Variants in CA13 observed in about 807,000 individuals in gnomAD.
CA13 encodes the protein CA-XIII.
CA13 carries 21 observed loss-of-function variants against 31.5 expected under a neutral mutation model. The ratio of observed to expected loss-of-function variants is 0.67; its 90% CI spans 0.47 to 0.96. The LOEUF (loss-of-function observed/expected upper bound fraction) is 0.96. Ranked by LOEUF, CA13 falls within the 40% of genes least tolerant of loss-of-function variation. The probability of loss-of-function intolerance (pLI) is 0.00; values close to 1 mark genes in which losing one functional copy is unlikely to be tolerated. For missense variants in CA13, 315 were observed against 318.9 expected, an observed-to-expected ratio of 0.99 and a Z score of 0.09; for synonymous variants, 117 against 111.4, an observed-to-expected ratio of 1.05 and a Z score of -0.32.
intron 5 of CA13, 125 bp downstream of exon 5, chr8:85,268,089 G>T: frequency 1.6e-6 from 1 of 608,106 alleles, no homozygotes; most frequent in Non-Finnish European, 2.8e-6. Context: ...ATGAAAAAAA[G>T]CAGAAGTAAC....
At chr8:85,265,045 A>G (rs1377371788) in intron 3 of CA13, among the ~76,000 whole-genome samples, 1 of 152,246 alleles carries the variant, frequency 6.6e-6, no homozygotes, top group Non-Finnish European at 1.5e-5. Context: ...TTCCTGTAAG[A>G]CATATTTATC....
chr8:85,273,059 T>A (rs1404268342), intron 6 of CA13, among the ~76,000 whole-genome samples: 1 of 152,168 alleles, frequency 6.6e-6, no homozygotes, highest in Non-Finnish European at 1.5e-5. Context: ...TTCAAGTGAT[T>A]TGCCCGCCTT....
In CA13 at chr8:85,281,210, A is replaced by T; in HGVS notation, c.670-20A>T. 6.2e-7 allele frequency: 1 copy of T among 1,607,832 alleles called. No homozygotes were observed. The highest frequency in any genetic ancestry group is 8.5e-7 in the Non-Finnish European group (1 of 1,175,086). On this transcript the variant is annotated intron_variant, in intron 6 of 6. Transcript: ENST00000321764. ...GGTGGGAATTTCTATGCTGAAGCTA[A>T]CTCTTTTCTTCTTCTACAGCTGGCC...
At position 85,250,848 on chromosome 8, in the gene CA13, G is replaced by A. The variant is rs753481885; in HGVS notation, c.146G>A (p.Ser49Asn). The change falls in exon 2 of 7, where the codon AGT becomes AAT. Residue 49 changes from serine to asparagine, a missense_variant. By Grantham distance (46) the Ser-to-Asn change is conservative. Transcript: ENST00000321764. ...VKYDSSLRPL[S>N]IKYDPSSAKI... ...TATGACTCTTCCCTCCGACCACTTAGTATCAAGTATGACCCAAGCTCAGCT... is the reference window on the plus strand; with the variant it reads ...TATGACTCTTCCCTCCGACCACTTAATATCAAGTATGACCCAAGCTCAGCT... 3 of 1,614,012 alleles carry A rather than the reference G, an allele frequency of 1.9e-6. No homozygotes were observed. The highest frequency in any genetic ancestry group is 1.7e-5 in the Admixed American group (1 of 60,008).
At position 85,245,713 on chromosome 8, in the gene CA13, C is replaced by G; in HGVS notation, c.-116C>G. On this transcript the variant is annotated 5_prime_UTR_variant, in exon 1 of 7. Transcript: ENST00000321764. Reference sequence around the variant, plus strand: ...GGACCGGGTTCACGGTCTCGCACTCCTGCCGCCGGCGCCCCGCGGTCCCGC... The same window carrying G: ...GGACCGGGTTCACGGTCTCGCACTCGTGCCGCCGGCGCCCCGCGGTCCCGC... 1 of 1,235,186 alleles carries G rather than the reference C, an allele frequency of 8.1e-7. No individual in the cohort carries two copies. Among genetic ancestry groups the G allele is most frequent in the East Asian group, 2.3e-5 (1 of 42,958 alleles). 76.5% of individuals were successfully genotyped at this position (1,235,186 alleles called of 1,614,324 possible).
In CA13 at chr8:85,245,813, T is replaced by G; in HGVS notation, c.-16T>G. The G allele has an allele frequency of 1.2e-6, 2 of 1,613,894 alleles. No individual in the cohort carries two copies. The highest frequency in any genetic ancestry group is 1.7e-6 in the Non-Finnish European group (2 of 1,179,888). ...TGCTCAGTCACATCTTTCTCTTCCT[T>G]CCACCCCGAGGGACCATGTCGAGGC... On this transcript the variant is annotated 5_prime_UTR_variant, in exon 1 of 7. Coordinates refer to ENST00000321764, the MANE Select transcript of CA13 (RefSeq NM_198584.3).
intron 1 of CA13, chr8:85,249,767 A>G: frequency 2.4e-6 from 1 of 410,456 alleles, no homozygotes; most frequent in South Asian, 1.8e-5. Flanking sequence ...TAGTAGAGAG[A>G]ATAAGAACCT....
chr8:85,281,364 G>T lies in CA13; in HGVS notation c.*15G>T, dbSNP rs1201838847. On this transcript the variant is annotated 3_prime_UTR_variant, in exon 7 of 7. Transcript: ENST00000321764. ...CTTTCCATTAAAAATTGTCACCAAT[G>T]AACTCCCCCAAACATGGCTGTGGAG... 6.2e-7 allele frequency: 1 copy of T among 1,613,192 alleles called. No homozygotes were observed. Among genetic ancestry groups the T allele is most frequent in the South Asian group, 1.1e-5 (1 of 90,992 alleles).
At chr8:85,257,697 C>T (rs971594635) in intron 2 of CA13, among the ~76,000 whole-genome samples, 1 of 123,914 alleles carries the variant, frequency 8.1e-6, no homozygotes, top group African/African-American at 2.9e-5. Flanking sequence ...GCAGCAGAGA[C>T]CTTGTCTCAA....
chr8:85,246,380 G>C (rs1813730794), intron 1 of CA13: 1 of 456,014 alleles, frequency 2.2e-6, no homozygotes, highest in African/African-American at 2.0e-5. Context: ...ACAAAATACT[G>C]CATGTTTCCT....
In CA13 at chr8:85,245,699, A is replaced by T. The variant is rs544051064; in HGVS notation, c.-130A>T. On this transcript the variant is annotated 5_prime_UTR_variant, in exon 1 of 7. Coordinates refer to ENST00000321764, the MANE Select transcript of CA13 (RefSeq NM_198584.3). Reference sequence around the variant, plus strand: ...GGCGGGAGCGCCCCGGACCGGGTTCACGGTCTCGCACTCCTGCCGCCGGCG... The same window carrying T: ...GGCGGGAGCGCCCCGGACCGGGTTCTCGGTCTCGCACTCCTGCCGCCGGCG... 9.6e-7 allele frequency: 1 copy of T among 1,044,202 alleles called. No homozygotes were observed. The highest frequency in any genetic ancestry group is 1.5e-6 in the Non-Finnish European group (1 of 687,160). The allele number at this position is 1,044,202 out of a possible 1,614,324, so 64.7% of individuals were successfully genotyped here.
intron 4 of CA13, chr8:85,267,329 G>T: frequency 1.0e-6 from 1 of 985,026 alleles, no homozygotes; most frequent in South Asian, 4.7e-5. Context: ...GGGTGGTTGC[G>T]GCAGGATCCG....
chr8:85,246,536 C>G (rs746284684), intron 1 of CA13: 2 of 455,720 alleles, frequency 4.4e-6, no homozygotes, highest in Non-Finnish European at 8.8e-6. Context: ...CTCATCCTTG[C>G]AGGGTGAGCA....
At chr8:85,246,613 C>T in intron 1 of CA13, 1 of 423,600 alleles carries the variant, frequency 2.4e-6, no homozygotes, top group South Asian at 1.7e-5. Context: ...ATGACATACA[C>T]TTTTCTTCTT....
chr8:85,256,703 T>G (rs546487886), intron 2 of CA13, among the ~76,000 whole-genome samples: 1 of 152,326 alleles, frequency 6.6e-6, no homozygotes, highest in Admixed American at 6.5e-5. Context: ...AAAGCTCTAT[T>G]ATGATTATTT....
chr8:85,245,944 CCA>C lies in CA13; in HGVS notation c.37+85_37+86del, dbSNP rs1221508774. The C allele has an allele frequency of 6.6e-6, 10 of 1,514,648 alleles. No individual in the cohort carries two copies. In the East Asian group the frequency reaches 2.3e-4, roughly 34 times the overall value. The allele number at this position is 1,514,648 out of a possible 1,614,324, so 93.8% of individuals were successfully genotyped here. The stretch of plus-strand genomic sequence containing the variant: ...AGCGCGACGCCCCGGCGCTCGCTGA[CCA>C]CACACTGGGCTCGCACATTGAGAAA... On this transcript the variant is annotated intron_variant, in intron 1 of 6. Coordinates refer to ENST00000321764, the MANE Select transcript of CA13 (RefSeq NM_198584.3).
At chr8:85,246,165 T>G in intron 1 of CA13, 1 of 534,378 alleles carries the variant, frequency 1.9e-6, no homozygotes, top group Non-Finnish European at 3.4e-6. Flanking sequence ...CCAAGGACTT[T>G]GCCTAGTAAC....
intron 3 of CA13, among the ~76,000 whole-genome samples, chr8:85,262,039 C>T (rs1807387199): frequency 4.3e-4 from 1 of 2,340 alleles, no homozygotes; most frequent in Admixed American, 4.0e-3. Context: ...CAGAGTCTGG[C>T]CATCTTGCCT....
At chr8:85,257,793 AT>A (rs776008446) in intron 2 of CA13, among the ~76,000 whole-genome samples, 1,679 of 138,572 alleles carry the variant, frequency 0.012, 23 homozygotes, top group African/African-American at 0.035. Context: ...TAATTTTTGT[AT>A]TTTTTTTTTT....
Sources: allele counts gnomAD v4.1 joint callset (sites outside exome capture counted in the v4.1 genomes callset), GRCh38; gene constraint gnomAD v4.1.1; transcripts MANE v1.5; gene names NCBI Gene and HGNC (gene_info 2026-07-23, HGNC 2026-07-21).